OR10D3: variants seen among roughly 807,000 people sequenced by gnomAD.
OR10D3 encodes the protein olfactory receptor family 10 subfamily D member 3.
For synonymous variants in OR10D3, 100 were observed against 57.6 expected (o/e 1.74, Z -3.33); for missense variants, 286 against 153.7 (o/e 1.86, Z -4.55).
rs555550024 is a variant in OR10D3 at position 124,186,349 on chromosome 11, AATAC to A, written c.*144_*147del. On this transcript the variant is annotated 3_prime_UTR_variant, in exon 2 of 2. Transcript: ENST00000641351. ...TGATATGGACCATTATGCTATATATAATACATTATCTTTTTGCAATATTTTATTT... is the reference window on the plus strand; with the variant it reads ...TGATATGGACCATTATGCTATATATAATTATCTTTTTGCAATATTTTATTT... 187 of 545,964 alleles carry A rather than the reference AATAC, an allele frequency of 3.4e-4. 1 individual carries two copies. Among genetic ancestry groups the A allele is most frequent in the African/African-American group, 3.3e-3 (173 of 53,200 alleles). 33.8% of individuals were successfully genotyped at this position (545,964 alleles called of 1,614,324 possible). A position where few individuals can be genotyped will look rare whatever the true frequency, so the allele number is the denominator to read the frequency against.
exon 2 of OR10D3, chr11:124,185,973 G>T: frequency 1.4e-6 from 1 of 703,278 alleles, no homozygotes; most frequent in Non-Finnish European, 2.6e-6. Context: ...GAGGGCCGTC[G>T]CCGTGCCTTC....
At chr11:124,185,335 G>C (rs1861207346) in exon 2 of OR10D3, 3 of 703,334 alleles carry the variant, frequency 4.3e-6, no homozygotes, top group South Asian at 3.0e-5. Flanking sequence ...ACACAGAGGG[G>C]CTGGAGATGA....
chr11:124,186,292 C>A lies in OR10D3; in HGVS notation c.*84C>A, dbSNP rs879679157. 3.1e-5 allele frequency: 19 copies of A among 616,012 alleles called. No individual in the cohort carries two copies. In the Admixed American group the frequency reaches 4.4e-4, roughly 14 times the overall value. 38.2% of individuals were successfully genotyped at this position (616,012 alleles called of 1,614,324 possible). On this transcript the variant is annotated 3_prime_UTR_variant, in exon 2 of 2. Coordinates refer to ENST00000641351, the Ensembl canonical transcript of OR10D3. The stretch of plus-strand genomic sequence containing the variant: ...TTCATTCTGGAATCTTCATATGTGA[C>A]AATGACTTGGAATTTTCAGCACTGT...
exon 2 of OR10D3, chr11:124,185,661 G>C (rs535523802): frequency 1.4e-6 from 1 of 703,494 alleles, no homozygotes; most frequent in Non-Finnish European, 2.6e-6. Context: ...TATCCTCTGC[G>C]ATACACAGTC....
intron 1 of OR10D3, among the ~76,000 whole-genome samples, chr11:124,184,892 TA>T (rs1221147224): frequency 3.9e-5 from 6 of 152,186 alleles, no homozygotes; most frequent in Non-Finnish European, 2.9e-5. Flanking sequence ...TCCAGTGATA[TA>T]AAAAAGCCCT....
chr11:124,185,039 AATAAGT>A (rs1861203471), intron 1 of OR10D3, among the ~76,000 whole-genome samples: 8 of 152,232 alleles, frequency 5.3e-5, no homozygotes, highest in Admixed American at 5.2e-4. Context: ...TTGTATTTCG[AATAAGT>A]ATAACAAAAA....
At chr11:124,186,382 T>C in exon 2 of OR10D3, 2 of 501,306 alleles carry the variant, frequency 4.0e-6, no homozygotes, top group South Asian at 7.7e-5. Context: ...TTTATTTTAT[T>C]GTCTAGGTTC....
exon 2 of OR10D3, chr11:124,188,113 A>G (rs914241058): frequency 2.6e-5 from 4 of 152,230 alleles, no homozygotes; most frequent in Admixed American, 6.5e-5. Context: ...AAGGGAGTCA[A>G]TGGTGGGCTT....
At chr11:124,188,484 A>G (rs2466583) in exon 2 of OR10D3, 29,227 of 152,174 alleles carry the variant, frequency 0.19, 3,210 homozygotes, top group South Asian at 0.31. Flanking sequence ...TTTCCTGACC[A>G]ATGTAAGGAG....
chr11:124,186,455 T>C (rs1001151727), exon 2 of OR10D3: 12 of 304,562 alleles, frequency 3.9e-5, no homozygotes, highest in Non-Finnish European at 5.4e-5. Context: ...CTTTCTTCTA[T>C]AGAGAATTGC....
exon 2 of OR10D3, chr11:124,185,455 C>T (rs946442446): frequency 1.4e-6 from 1 of 703,146 alleles, no homozygotes; most frequent in Non-Finnish European, 2.6e-6. Context: ...TGTATTTCTT[C>T]CTGGGAAACT....
chr11:124,188,740 A>G (rs1408037901), exon 2 of OR10D3: 1 of 152,222 alleles, frequency 6.6e-6, no homozygotes, highest in Non-Finnish European at 1.5e-5. Context: ...TTCCAGAGGA[A>G]TGGTAATAAT....
At chr11:124,186,303 A>G (rs1454369037) in exon 2 of OR10D3, 7 of 613,972 alleles carry the variant, frequency 1.1e-5, no homozygotes, top group Non-Finnish European at 2.0e-5. Context: ...AATGACTTGG[A>G]ATTTTCAGCA....
intron 1 of OR10D3, among the ~76,000 whole-genome samples, 188 bp downstream of exon 1, chr11:124,183,571 C>CCTCCCTCT (rs1389435186): frequency 1.5e-5 from 2 of 137,744 alleles, no homozygotes; most frequent in Non-Finnish European, 3.2e-5. Flanking sequence ...TCCCTCCCTC[C>CCTCCCTCT]CTCCCTCCCT....
chr11:124,185,038 G>T (rs566566895), intron 1 of OR10D3, among the ~76,000 whole-genome samples: 1 of 152,264 alleles, frequency 6.6e-6, no homozygotes, highest in African/African-American at 2.4e-5. Flanking sequence ...TTTGTATTTC[G>T]AATAAGTATA....
chr11:124,185,525 A>G (rs1258624281), exon 2 of OR10D3: 1 of 703,130 alleles, frequency 1.4e-6, no homozygotes, highest in Non-Finnish European at 2.6e-6. Context: ...GCTCTACCTT[A>G]TGGGGCTGAG....
exon 2 of OR10D3, chr11:124,185,842 C>T (rs765275947): frequency 3.1e-5 from 22 of 703,462 alleles, no homozygotes; most frequent in Non-Finnish European, 2.6e-6. Context: ...CCTGTGCTGA[C>T]ACATCCTTAG....
At chr11:124,185,164 C>T (rs1861204949) in intron 1 of OR10D3, 95 bp from the exon 2 acceptor site, 2 of 603,616 alleles carry the variant, frequency 3.3e-6, no homozygotes, top group Admixed American at 5.8e-5. Flanking sequence ...ATCACAGTCA[C>T]TTAATTGACA....
exon 2 of OR10D3, chr11:124,186,017 T>A (rs1402324587): frequency 1.4e-6 from 1 of 703,506 alleles, no homozygotes; most frequent in Non-Finnish European, 2.6e-6. Context: ...TGCCATCCTC[T>A]GTGCCTATGG....
Sources: allele counts gnomAD v4.1 joint callset (sites outside exome capture counted in the v4.1 genomes callset), GRCh38; gene constraint gnomAD v4.1.1; transcripts MANE v1.5; gene names NCBI Gene and HGNC (gene_info 2026-07-23, HGNC 2026-07-21).